Variants in RALA observed in about 807,000 individuals in gnomAD.
RALA encodes the protein ras-related protein Ral-A.
In RALA, 5 loss-of-function variants were observed where a neutral mutation model predicts 24.0. The observed-to-expected ratio is 0.21, with a 90% CI of 0.11 to 0.44. RALA has a LOEUF of 0.44. Ranked by LOEUF, RALA falls within the 20% of genes least tolerant of loss-of-function variation. The probability of loss-of-function intolerance (pLI) is 0.99; values close to 1 mark genes in which losing one functional copy is unlikely to be tolerated. For synonymous variants in RALA, 77 were observed against 83.8 expected, an observed-to-expected ratio of 0.92 and a Z score of 0.44; for missense variants, 95 against 241.2, an observed-to-expected ratio of 0.39 and a Z score of 4.01.
chr7:39,631,745 C>G (rs768223467), intron 1 of RALA, among the ~76,000 whole-genome samples: 1 of 152,048 alleles, frequency 6.6e-6, no homozygotes, highest in African/African-American at 2.4e-5. Flanking sequence ...TCCATTTATA[C>G]GAATATTGTT....
intron 3 of RALA, 81 bp from the exon 4 acceptor site, chr7:39,696,604 A>G: frequency 2.6e-6 from 3 of 1,161,438 alleles, no homozygotes; most frequent in South Asian, 3.3e-5. Context: ...AACAATAGGG[A>G]AAAATAGGTA....
At chr7:39,676,439 G>C (rs1346989337) in intron 1 of RALA, among the ~76,000 whole-genome samples, 1 of 152,228 alleles carries the variant, frequency 6.6e-6, no homozygotes, top group Non-Finnish European at 1.5e-5. Context: ...GGGATCAGAA[G>C]TGTTTGGGAT....
chr7:39,666,233 T>C (rs1216577843), intron 1 of RALA, among the ~76,000 whole-genome samples: 1 of 152,132 alleles, frequency 6.6e-6, no homozygotes, highest in Non-Finnish European at 1.5e-5. Context: ...ATACTGGGTG[T>C]CAGGGCCACA....
chr7:39,672,555 C>A (rs1344710670), intron 1 of RALA, among the ~76,000 whole-genome samples: 1 of 150,504 alleles, frequency 6.6e-6, no homozygotes, highest in Non-Finnish European at 1.5e-5. Context: ...TAGACCTGTA[C>A]ACAAAAGTTT....
chr7:39,629,911 A>G (rs1380368529), intron 1 of RALA, among the ~76,000 whole-genome samples: 1 of 151,826 alleles, frequency 6.6e-6, no homozygotes, highest in Non-Finnish European at 1.5e-5. Flanking sequence ...TTGTATTTTT[A>G]GTAGAGATGG....
At chr7:39,700,644 G>C (rs904889753) in intron 4 of RALA, 1 of 152,264 alleles carries the variant, frequency 6.6e-6, no homozygotes, top group Non-Finnish European at 1.5e-5. Context: ...GGTTGAGAAG[G>C]AAGGGGAATA....
At chr7:39,687,259 A>G (rs912239099) in intron 2 of RALA, among the ~76,000 whole-genome samples, 9 of 152,040 alleles carry the variant, frequency 5.9e-5, no homozygotes, top group African/African-American at 1.9e-4. Flanking sequence ...AACCCCGTCT[A>G]TACTAAAAAT....
intron 2 of RALA, among the ~76,000 whole-genome samples, chr7:39,687,505 A>G (rs528420621): frequency 7.2e-5 from 11 of 152,346 alleles, no homozygotes; most frequent in African/African-American, 2.2e-4. Flanking sequence ...TACATTCATC[A>G]TTAAGCAGGC....
At chr7:39,653,433 C>G (rs1011449469) in intron 1 of RALA, among the ~76,000 whole-genome samples, 2 of 152,122 alleles carry the variant, frequency 1.3e-5, no homozygotes, top group African/African-American at 2.4e-5. Flanking sequence ...TTAAGCCATT[C>G]TCCTACCTCA....
chr7:39,679,547 T>A (rs567161312), intron 1 of RALA, among the ~76,000 whole-genome samples: 1 of 152,294 alleles, frequency 6.6e-6, no homozygotes, highest in Non-Finnish European at 1.5e-5. Context: ...TTTGCCCAAT[T>A]TCCTGCAGTT....
Position 39,642,604 on chromosome 7 carries a change from C to G in RALA, c.-38+18779C>G, listed in dbSNP as rs376737880. ...TTTACAAAAATCCCCTCAAAACTAT[C>G]CAGCTATTAGCCATTCGTAAACCCC... On this transcript the variant is annotated intron_variant, in intron 1 of 4. Transcript: ENST00000005257. Among the ~76,000 whole-genome samples, 11 of 152,262 alleles carry G rather than the reference C, an allele frequency of 7.2e-5. No homozygotes were observed. The South Asian group carries it at 2.1e-3, about 29-fold the overall frequency.
chr7:39,686,545 T>C (rs1792706895), intron 1 of RALA, 86 bp from the exon 2 acceptor site: 1 of 730,096 alleles, frequency 1.4e-6, no homozygotes, highest in South Asian at 1.9e-5. Context: ...AACTAGTATA[T>C]TGAACTCTAA....
intron 1 of RALA, among the ~76,000 whole-genome samples, chr7:39,649,109 G>T (rs1791977336): frequency 6.6e-6 from 1 of 152,164 alleles, no homozygotes; most frequent in Non-Finnish European, 1.5e-5. Context: ...GCAACCTAAA[G>T]AATGAGGTTG....
intron 4 of RALA, among the ~76,000 whole-genome samples, chr7:39,699,389 C>T (rs1418757966): frequency 6.6e-6 from 1 of 151,952 alleles, no homozygotes; most frequent in Non-Finnish European, 1.5e-5. Context: ...ATCCACCCGC[C>T]TCGGCCTCCC....
intron 1 of RALA, among the ~76,000 whole-genome samples, chr7:39,649,049 G>C (rs373121090): frequency 2.6e-4 from 39 of 152,280 alleles, no homozygotes; most frequent in African/African-American, 9.1e-4. Context: ...GACAGAGCGA[G>C]ACCCTGTCTC....
At position 39,690,423 on chromosome 7, in the gene RALA, G is replaced by A. The variant is rs755845378; in HGVS notation, c.156G>A (p.Arg52=). ...AGCCTACCAAAGCAGACAGCTATCG[G>A]AAGAAGGTAGTGCTAGATGGGGAGG... is the stretch of plus-strand genomic sequence containing the variant. ...DYEPTKADSY[R]KKVVLDGEEV... The change falls in exon 3 of 5, where the codon CGG becomes CGA. Residue 52 remains arginine, a synonymous_variant. Coordinates refer to ENST00000005257, the MANE Select transcript of RALA (RefSeq NM_005402.4). 1 of 1,613,986 alleles carries A rather than the reference G, an allele frequency of 6.2e-7. No individual in the cohort carries two copies.
intron 1 of RALA, among the ~76,000 whole-genome samples, chr7:39,652,282 G>C (rs1001524999): frequency 3.9e-5 from 6 of 152,160 alleles, no homozygotes; most frequent in African/African-American, 1.4e-4. Flanking sequence ...TCTTAATACT[G>C]TGGCAATGGC....
At chr7:39,628,376 TACACACACACACACACAC>T (rs36095637) in intron 1 of RALA, among the ~76,000 whole-genome samples, 3 of 145,042 alleles carry the variant, frequency 2.1e-5, no homozygotes, top group Non-Finnish European at 4.5e-5. Context: ...ACCTCATAAC[TACACACACACACACACAC>T]ACACACACAC....
chr7:39,663,629 TA>T (rs545716511), intron 1 of RALA, among the ~76,000 whole-genome samples: 386 of 137,746 alleles, frequency 2.8e-3, no homozygotes, highest in Admixed American at 3.3e-3. Context: ...AGGGACATTG[TA>T]AAAAAAAAAA....
Sources: allele counts gnomAD v4.1 joint callset (sites outside exome capture counted in the v4.1 genomes callset), GRCh38; gene constraint gnomAD v4.1.1; transcripts MANE v1.5; gene names NCBI Gene and HGNC (gene_info 2026-07-23, HGNC 2026-07-21).